DCBLD1: variants seen among roughly 807,000 people sequenced by gnomAD.
The protein encoded by DCBLD1 is discoidin, CUB and LCCL domain-containing protein 1.
DCBLD1 carries 57 observed loss-of-function variants against 71.5 expected under a neutral mutation model. The ratio of observed to expected loss-of-function variants is 0.80; its 90% confidence interval spans 0.64 to 0.99. The LOEUF (loss-of-function observed/expected upper bound fraction) is 0.99. Among genes scored for constraint, DCBLD1 ranks in the 50% least tolerant of loss-of-function variants. The pLI, the probability that DCBLD1 is intolerant of heterozygous loss-of-function variation, is 0.00. For missense variants in DCBLD1, 891 were observed against 923.5 expected (o/e 0.96, Z 0.46); for synonymous variants, 380 against 363.8 (o/e 1.04, Z -0.51).
At chr6:117,534,919 G>T (rs1473299801) in intron 6 of DCBLD1, among the ~76,000 whole-genome samples, 4 of 152,192 alleles carry the variant, frequency 2.6e-5, no homozygotes, top group African/African-American at 9.6e-5. Context: ...TTTGGGGGGA[G>T]TAGATAGAAA....
intron 2 of DCBLD1, among the ~76,000 whole-genome samples, chr6:117,518,905 G>A (rs1320214657): frequency 2.0e-5 from 3 of 152,104 alleles, no homozygotes; most frequent in South Asian, 2.1e-4. Context: ...GGTTTTATTC[G>A]TATTGACTTG....
intron 1 of DCBLD1, among the ~76,000 whole-genome samples, chr6:117,490,613 T>A (rs1335449388): frequency 6.6e-6 from 1 of 152,054 alleles, no homozygotes; most frequent in Non-Finnish European, 1.5e-5. Flanking sequence ...TGTATTTTTT[T>A]AATCCTTCTT....
chr6:117,566,728 G>A lies in DCBLD1; in HGVS notation c.1616-2892G>A, dbSNP rs1359944482. On this transcript the variant is annotated intron_variant, in intron 14 of 14. Transcript: ENST00000296955. ...TAGTATACAATAAAACAATAAACAA[G>A]GGAAAGCTCTTCATTCCTTTGATTT... 5.2e-6 allele frequency: 3 copies of A among 572,412 alleles called. No homozygotes were observed. The African/African-American group carries it at 5.7e-5, about 11-fold the overall frequency. The allele number at this position is 572,412 out of a possible 1,614,324, so 35.5% of individuals were successfully genotyped here.
intron 14 of DCBLD1, chr6:117,567,076 T>C (rs763537239): frequency 2.3e-5 from 33 of 1,445,048 alleles, no homozygotes; most frequent in Admixed American, 7.1e-5. Context: ...GTTATTGTAA[T>C]TGTAATTTAA....
intron 6 of DCBLD1, among the ~76,000 whole-genome samples, chr6:117,536,966 T>C (rs1035162072): frequency 5.3e-5 from 8 of 152,210 alleles, no homozygotes; most frequent in Non-Finnish European, 7.3e-5. Context: ...TTGTCACTTA[T>C]ATGAATTTAG....
In DCBLD1 at chr6:117,543,845, G is replaced by T. The variant is rs57638292; in HGVS notation, c.1445+634G>T. 2.8e-3 allele frequency among the ~76,000 whole-genome samples: 421 copies of T among 152,254 alleles called. 1 individual carries two copies. The highest frequency in any genetic ancestry group is 9.7e-3 in the African/African-American group (404 of 41,550). On this transcript the variant is annotated intron_variant, in intron 12 of 14. Coordinates refer to ENST00000338728, the MANE Select transcript of DCBLD1 (RefSeq NM_001366458.2). ...TATCACCAAGCTGCCCCGTAACTCA[G>T]CCTCCCCAAGCCTGTTTCCTTATGT...
rs751288053 is a variant in DCBLD1, at chr6:117,519,971, C to G, written c.460+21C>G. 16 of 1,611,770 alleles carry G rather than the reference C, an allele frequency of 9.9e-6. No individual in the cohort carries two copies. In the South Asian group the frequency reaches 1.4e-4, roughly 14 times the overall value. On this transcript the variant is annotated intron_variant, in intron 3 of 14. Coordinates refer to ENST00000338728, the MANE Select transcript of DCBLD1 (RefSeq NM_001366458.2). ...TCCAGGTATAACGGAAGAATCAACACAAATCTCTAAATGTTATCTGTCTAA... is the reference window on the plus strand; with the variant it reads ...TCCAGGTATAACGGAAGAATCAACAGAAATCTCTAAATGTTATCTGTCTAA...
intron 14 of DCBLD1, 62 bp from the exon 15 acceptor site, chr6:117,547,845 T>C: frequency 6.5e-7 from 1 of 1,549,674 alleles, no homozygotes; most frequent in South Asian, 1.2e-5. Context: ...TATCCCCGTC[T>C]GCCACTGACA....
intron 6 of DCBLD1, among the ~76,000 whole-genome samples, chr6:117,536,036 T>C (rs1434625822): frequency 6.6e-6 from 1 of 152,126 alleles, no homozygotes; most frequent in African/African-American, 2.4e-5. Flanking sequence ...GCATAGACAA[T>C]GTGAAAGAGA....
chr6:117,502,463 CTTTTTA>C (rs1777696315), intron 1 of DCBLD1, among the ~76,000 whole-genome samples: 2 of 151,974 alleles, frequency 1.3e-5, no homozygotes, highest in Admixed American at 6.6e-5. Flanking sequence ...TTTCTTTTTT[CTTTTTA>C]TTTTTTAATA....
At chr6:117,547,221 C>G (rs896322049) in intron 14 of DCBLD1, among the ~76,000 whole-genome samples, 6 of 152,196 alleles carry the variant, frequency 3.9e-5, no homozygotes, top group Non-Finnish European at 8.8e-5. Flanking sequence ...TTTCCATGCT[C>G]TAACGCGTGG....
intron 6 of DCBLD1, among the ~76,000 whole-genome samples, chr6:117,534,896 G>A (rs185787892): frequency 6.6e-6 from 1 of 152,122 alleles, no homozygotes; most frequent in African/African-American, 2.4e-5. Context: ...TGTACTAATT[G>A]TCTCATTTTT....
intron 14 of DCBLD1, 79 bp downstream of exon 14, chr6:117,545,676 G>A: frequency 6.5e-7 from 1 of 1,529,918 alleles, no homozygotes. Flanking sequence ...GAGAAATAAG[G>A]CAAAATCCTT....
Position 117,519,970 on chromosome 6 carries a change from A to C in DCBLD1, c.460+20A>C, listed in dbSNP as rs1391010690. ...ATCCAGGTATAACGGAAGAATCAAC[A>C]CAAATCTCTAAATGTTATCTGTCTA... On this transcript the variant is annotated intron_variant, in intron 3 of 14. Coordinates refer to ENST00000338728, the MANE Select transcript of DCBLD1 (RefSeq NM_001366458.2). 1 of 1,612,040 alleles carries C rather than the reference A, an allele frequency of 6.2e-7. No individual in the cohort carries two copies. Among genetic ancestry groups the C allele is most frequent in the African/African-American group, 1.3e-5 (1 of 75,014 alleles).
chr6:117,517,682 A>G (rs1778249015), intron 2 of DCBLD1, among the ~76,000 whole-genome samples: 1 of 152,142 alleles, frequency 6.6e-6, no homozygotes, highest in Admixed American at 6.5e-5. Flanking sequence ...ACTTCCATGC[A>G]CCTGCAGGCT....
intron 3 of DCBLD1, 130 bp downstream of exon 3, chr6:117,520,080 A>G (rs150971384): frequency 4.2e-6 from 6 of 1,414,166 alleles, no homozygotes; most frequent in South Asian, 1.3e-5. Flanking sequence ...GAAGAGGAAC[A>G]TGGTATCTTT....
intron 2 of DCBLD1, among the ~76,000 whole-genome samples, chr6:117,516,441 T>C (rs1333956667): frequency 1.3e-5 from 2 of 152,308 alleles, no homozygotes; most frequent in African/African-American, 4.8e-5. Flanking sequence ...GAACATCTTT[T>C]ATTTAGATTT....
At chr6:117,536,783 A>G (rs1336463400) in intron 6 of DCBLD1, among the ~76,000 whole-genome samples, 1 of 152,252 alleles carries the variant, frequency 6.6e-6, no homozygotes, top group Non-Finnish European at 1.5e-5. Flanking sequence ...GGGAGATTTC[A>G]GGGCAGTAAT....
At chr6:117,500,464 A>G (rs1364635297) in intron 1 of DCBLD1, among the ~76,000 whole-genome samples, 1 of 152,190 alleles carries the variant, frequency 6.6e-6, no homozygotes, top group Non-Finnish European at 1.5e-5. Flanking sequence ...GGGAATGTTG[A>G]CGATTTGAAC....
Sources: allele counts gnomAD v4.1 joint callset (sites outside exome capture counted in the v4.1 genomes callset), GRCh38; gene constraint gnomAD v4.1.1; transcripts MANE v1.5; gene names NCBI Gene and HGNC (gene_info 2026-07-23, HGNC 2026-07-21).